The following MSRA variants were observed in gnomAD, a reference collection of about 807,000 sequenced individuals.
The protein encoded by MSRA is methionine sulfoxide reductase A, also known as mitochondrial peptide methionine sulfoxide reductase.
Under a neutral mutation model 31.3 loss-of-function variants are expected in MSRA, and 54 were observed. The ratio of observed to expected loss-of-function variants is 1.73; its 90% CI spans 1.39 to 2.17. The LOEUF is 2.17. Ranked by LOEUF, MSRA falls within the 30% of genes most tolerant of loss-of-function variation. The pLI, the probability that MSRA is intolerant of heterozygous loss-of-function variation, is 0.00. For synonymous variants in MSRA, 169 were observed against 116.5 expected, an observed-to-expected ratio of 1.45 and a Z score of -2.90; for missense variants, 507 against 300.9, an observed-to-expected ratio of 1.69 and a Z score of -5.07.
intron 5 of MSRA, among the ~76,000 whole-genome samples, chr8:10,367,067 AT>A (rs1250351910): frequency 2.0e-5 from 3 of 152,230 alleles, no homozygotes; most frequent in Non-Finnish European, 2.9e-5. Flanking sequence ...CAATGCGAAC[AT>A]TTTAAATTGC....
At chr8:10,339,368 A>G (rs1803261851) in intron 5 of MSRA, among the ~76,000 whole-genome samples, 2 of 152,190 alleles carry the variant, frequency 1.3e-5, no homozygotes. Flanking sequence ...ATGAGTTTCC[A>G]AAACTTATGA....
At chr8:10,293,609 A>T (rs956549501) in intron 3 of MSRA, among the ~76,000 whole-genome samples, 1 of 152,210 alleles carries the variant, frequency 6.6e-6, no homozygotes, top group Non-Finnish European at 1.5e-5. Flanking sequence ...CTAGGGAATC[A>T]TCTGGACAGC....
chr8:10,256,617 A>T (rs1006932861), intron 3 of MSRA, among the ~76,000 whole-genome samples: 1 of 152,176 alleles, frequency 6.6e-6, no homozygotes, highest in Non-Finnish European at 1.5e-5. Flanking sequence ...TCTGAGCCAC[A>T]TAAGTAAGAA....
chr8:10,134,608 C>T (rs917812547), intron 1 of MSRA, among the ~76,000 whole-genome samples: 13 of 152,192 alleles, frequency 8.5e-5, no homozygotes, highest in Admixed American at 8.5e-4. Context: ...TACCCGTGAC[C>T]TGTGGTCATT....
At chr8:10,196,293 A>T (rs1807981545) in intron 1 of MSRA, among the ~76,000 whole-genome samples, 1 of 152,000 alleles carries the variant, frequency 6.6e-6, no homozygotes, top group Non-Finnish European at 1.5e-5. Flanking sequence ...ACATTTAATG[A>T]TGTTTTGGAG....
At chr8:10,277,928 G>A (rs1585343869) in intron 3 of MSRA, among the ~76,000 whole-genome samples, 1 of 151,966 alleles carries the variant, frequency 6.6e-6, no homozygotes, top group African/African-American at 2.4e-5. Flanking sequence ...TCTTTACATA[G>A]GCAATAAAAA....
chr8:10,149,184 C>G (rs1231280477), intron 1 of MSRA, among the ~76,000 whole-genome samples: 1 of 151,370 alleles, frequency 6.6e-6, no homozygotes, highest in Non-Finnish European at 1.5e-5. Context: ...TGCAATGGCA[C>G]AGTCTCGGCT....
chr8:10,322,433 G>A (rs372973970), intron 5 of MSRA, among the ~76,000 whole-genome samples: 3 of 152,226 alleles, frequency 2.0e-5, no homozygotes, highest in African/African-American at 7.2e-5. Context: ...AACTTCACTG[G>A]AAGTGGAGAG....
Position 10,428,303 on chromosome 8 carries a change from T to TA in MSRA, c.705dup (p.Ter236IlefsTer10), listed in dbSNP as rs758604537. On this transcript the variant is annotated frameshift_variant, in exon 6 of 6. Transcript: ENST00000317173. LOFTEE classifies it high-confidence loss of function. The stretch of plus-strand genomic sequence containing the variant: ...CCGGCGTGTCCTGCCCAGTGGGTAT[T>TA]AAAAAATAATTTCTCCCCACATGGT... 6.2e-7 allele frequency: 1 copy of TA among 1,610,850 alleles called. No individual in the cohort carries two copies. Among genetic ancestry groups the TA allele is most frequent in the Non-Finnish European group, 8.5e-7 (1 of 1,179,446 alleles).
intron 4 of MSRA, among the ~76,000 whole-genome samples, chr8:10,302,364 C>T (rs1800893859): frequency 6.6e-6 from 1 of 152,230 alleles, no homozygotes; most frequent in South Asian, 2.1e-4. Flanking sequence ...TGATATTATG[C>T]AGCTTATGAA....
At chr8:10,290,944 G>C (rs988325362) in intron 3 of MSRA, among the ~76,000 whole-genome samples, 13 of 152,144 alleles carry the variant, frequency 8.5e-5, no homozygotes, top group African/African-American at 2.4e-5. Flanking sequence ...TCTAGAAAAT[G>C]GGCACAGGTC....
intron 1 of MSRA, among the ~76,000 whole-genome samples, chr8:10,123,104 C>A (rs190768650): frequency 6.6e-6 from 1 of 152,312 alleles, no homozygotes; most frequent in Admixed American, 6.5e-5. Context: ...CGAGGAATTG[C>A]CACACTGCTT....
At position 10,066,377 on chromosome 8, in the gene MSRA, G is replaced by A. The variant is rs191516475; in HGVS notation, c.142+11719G>A. Among the ~76,000 whole-genome samples, 46 of 152,244 alleles carry A rather than the reference G, an allele frequency of 3.0e-4. No homozygotes were observed. In the East Asian group the frequency reaches 5.0e-3, roughly 17 times the overall value. Reference sequence around the variant, plus strand: ...TCCCAACTAACCAATGTTCAGACCCGAGAAAGCATTCTCCAAAACCTTTCT... The same window carrying A: ...TCCCAACTAACCAATGTTCAGACCCAAGAAAGCATTCTCCAAAACCTTTCT... On this transcript the variant is annotated intron_variant, in intron 1 of 5. Transcript: ENST00000317173.
chr8:10,249,877 C>T (rs895037003), intron 3 of MSRA, among the ~76,000 whole-genome samples: 1 of 152,170 alleles, frequency 6.6e-6, no homozygotes, highest in Non-Finnish European at 1.5e-5. Context: ...AGAACGTGGA[C>T]TGGAATAGCC....
chr8:10,373,127 G>T (rs1034200478), intron 5 of MSRA, among the ~76,000 whole-genome samples: 1 of 152,216 alleles, frequency 6.6e-6, no homozygotes, highest in Admixed American at 6.5e-5. Context: ...CTGACCTCAG[G>T]TGATCTACCC....
chr8:10,384,293 T>A (rs905068588), intron 5 of MSRA, among the ~76,000 whole-genome samples: 1 of 152,190 alleles, frequency 6.6e-6, no homozygotes, highest in Admixed American at 6.5e-5. Flanking sequence ...TCAAATCCAT[T>A]GAGAGATGCT....
chr8:10,422,118 A>C lies in MSRA; in HGVS notation c.544-6030A>C, dbSNP rs540970197. On this transcript the variant is annotated intron_variant, in intron 5 of 5. Transcript: ENST00000317173. ...CAACATATAGGGAGACACTGTCTCT[A>C]TAAAAAAATTAAAATTAGCCAGGTA... is the stretch of plus-strand genomic sequence containing the variant. 2.6e-5 allele frequency among the ~76,000 whole-genome samples: 4 copies of C among 152,310 alleles called. No homozygotes were observed. In the South Asian group the frequency reaches 6.2e-4, roughly 24 times the overall value.
At chr8:10,371,375 G>A (rs148904105) in intron 5 of MSRA, among the ~76,000 whole-genome samples, 323 of 152,088 alleles carry the variant, frequency 2.1e-3, no homozygotes, top group African/African-American at 7.3e-3. Flanking sequence ...AACCTGTGCC[G>A]GCCGGCGCCT....
intron 3 of MSRA, among the ~76,000 whole-genome samples, chr8:10,297,440 T>C (rs1288166808): frequency 6.6e-6 from 1 of 152,214 alleles, no homozygotes; most frequent in Non-Finnish European, 1.5e-5. Flanking sequence ...CGCGATGTTA[T>C]GTGAAGACAC....
Sources: allele counts gnomAD v4.1 joint callset (sites outside exome capture counted in the v4.1 genomes callset), GRCh38; gene constraint gnomAD v4.1.1; transcripts MANE v1.5; gene names NCBI Gene and HGNC (gene_info 2026-07-23, HGNC 2026-07-21).